PARD3B: variants seen among roughly 807,000 people sequenced by gnomAD.
PARD3B encodes par-3 family cell polarity regulator beta.
A neutral mutation model predicts 130.2 loss-of-function variants in PARD3B; 103 were observed. The ratio of observed to expected loss-of-function variants is 0.79; its 90% CI spans 0.67 to 0.93. PARD3B has a LOEUF of 0.93. Among genes scored for constraint, PARD3B ranks in the 40% least tolerant of loss-of-function variants. The pLI is 0.00. For missense variants in PARD3B, 1,609 were observed against 1,499.2 expected, an observed-to-expected ratio of 1.07 and a Z score of -1.21; for synonymous variants, 583 against 553.2, an observed-to-expected ratio of 1.05 and a Z score of -0.76.
intron 10 of PARD3B, among the ~76,000 whole-genome samples, chr2:205,131,924 C>T (rs996321762): frequency 2.4e-4 from 36 of 152,074 alleles, no homozygotes; most frequent in Admixed American, 1.8e-3. Context: ...GACCTGGAAT[C>T]CGTCACACCT....
chr2:204,704,915 G>A (rs2125284693), intron 2 of PARD3B, among the ~76,000 whole-genome samples: 1 of 150,216 alleles, frequency 6.7e-6, no homozygotes, highest in African/African-American at 2.5e-5. Flanking sequence ...CATCACCAGA[G>A]TACTAATTGC....
At chr2:205,345,598 A>T (rs896501333) in intron 18 of PARD3B, among the ~76,000 whole-genome samples, 5 of 151,612 alleles carry the variant, frequency 3.3e-5, no homozygotes, top group African/African-American at 1.2e-4. Context: ...CCCCCAGTCC[A>T]TGCTGCTAAG....
chr2:204,966,225 A>G (rs1458656338), intron 3 of PARD3B, among the ~76,000 whole-genome samples: 1 of 152,234 alleles, frequency 6.6e-6, no homozygotes, highest in Non-Finnish European at 1.5e-5. Flanking sequence ...TTAAATTTAC[A>G]TACTCTAATG....
chr2:204,795,165 G>A (rs906960561), intron 2 of PARD3B, among the ~76,000 whole-genome samples: 9 of 152,118 alleles, frequency 5.9e-5, no homozygotes, highest in African/African-American at 2.2e-4. Context: ...AGGAAAATAG[G>A]TTCTCTTCCA....
rs927543555 is a variant in PARD3B at position 205,160,403 on chromosome 2, C to T, written c.1620+1496C>T. ...GCTGGCGCATGTCCCTCTCATGCCT[C>T]GAGCTGTCAGAGGGCCAGCGGCAGT... On this transcript the variant is annotated intron_variant, in intron 11 of 22. Coordinates refer to ENST00000406610, the MANE Select transcript of PARD3B (RefSeq NM_001302769.2). The surrounding 1 kb of genome is among the most constrained non-coding windows in gnomAD (Gnocchi z 4.0). 6.6e-6 allele frequency among the ~76,000 whole-genome samples: 1 copy of T among 152,104 alleles called. No homozygotes were observed. The highest frequency in any genetic ancestry group is 1.5e-5 in the Non-Finnish European group (1 of 68,026).
chr2:204,718,754 A>G (rs1391894150), intron 2 of PARD3B, among the ~76,000 whole-genome samples: 1 of 152,146 alleles, frequency 6.6e-6, no homozygotes, highest in Non-Finnish European at 1.5e-5. Context: ...TCTTTAGTTT[A>G]TCTCTGTAAG....
intron 21 of PARD3B, among the ~76,000 whole-genome samples, chr2:205,522,181 T>G (rs527712107): frequency 8.6e-5 from 13 of 151,348 alleles, no homozygotes; most frequent in Admixed American, 7.9e-4. Context: ...TATTGTTTCC[T>G]TAAAAACAAA....
intron 2 of PARD3B, among the ~76,000 whole-genome samples, chr2:204,944,343 T>C (rs140479968): frequency 1.9e-3 from 282 of 152,274 alleles, no homozygotes; most frequent in African/African-American, 6.5e-3. Flanking sequence ...GGGCCTCCTG[T>C]CAATGGCTTC....
At chr2:205,382,192 A>G (rs1355857960) in intron 18 of PARD3B, among the ~76,000 whole-genome samples, 1 of 152,062 alleles carries the variant, frequency 6.6e-6, no homozygotes, top group Non-Finnish European at 1.5e-5. Context: ...TATTTGTTGT[A>G]ACTCCTTGGT....
chr2:204,943,796 G>T lies in PARD3B; in HGVS notation c.223-21356G>T, dbSNP rs913544944. ...CATCCCTACATTGCCTTTCCTATCT[G>T]CCATGTGCAAATTAGGGAGACTGAG... On this transcript the variant is annotated intron_variant, in intron 2 of 22. Transcript: ENST00000406610. The surrounding 1 kb of genome is among the most constrained non-coding windows in gnomAD (Gnocchi z 4.2). 2.0e-5 allele frequency among the ~76,000 whole-genome samples: 3 copies of T among 152,092 alleles called. No individual in the cohort carries two copies. Among genetic ancestry groups the T allele is most frequent in the African/African-American group, 7.2e-5 (3 of 41,408 alleles).
intron 22 of PARD3B, among the ~76,000 whole-genome samples, chr2:205,577,701 G>C (rs11895305): frequency 0.14 from 21,887 of 152,078 alleles, 1,700 homozygotes; most frequent in East Asian, 0.29. Context: ...TGATGACAAA[G>C]ACAGTAGGAA....
chr2:205,528,699 C>T (rs767912095), intron 21 of PARD3B, among the ~76,000 whole-genome samples: 1 of 152,086 alleles, frequency 6.6e-6, no homozygotes, highest in South Asian at 2.1e-4. Flanking sequence ...ACCATGTTGG[C>T]CAGGATGGTC....
chr2:205,598,333 A>C (rs2054646661), intron 22 of PARD3B, among the ~76,000 whole-genome samples: 1 of 152,112 alleles, frequency 6.6e-6, no homozygotes, highest in African/African-American at 2.4e-5. Flanking sequence ...CAGATAAAAC[A>C]GACTTTGAAT....
At position 205,009,543 on chromosome 2, in the gene PARD3B, C is replaced by T. The variant is rs971636559; in HGVS notation, c.395-38038C>T. On this transcript the variant is annotated intron_variant, in intron 3 of 22. Transcript: ENST00000406610. The stretch of plus-strand genomic sequence containing the variant: ...AAAATTAGCCGGGCATGGTGGCGGG[C>T]GCCTGTAGTCCCAGCTTCTCGGGAG... Among the ~76,000 whole-genome samples the T allele has an allele frequency of 6.6e-5, 10 of 151,432 alleles. No homozygotes were observed. The East Asian group carries it at 9.7e-4, about 15-fold the overall frequency.
chr2:204,715,942 C>G (rs2038699694), intron 2 of PARD3B, among the ~76,000 whole-genome samples: 1 of 152,152 alleles, frequency 6.6e-6, no homozygotes, highest in African/African-American at 2.4e-5. Flanking sequence ...TCGCCTGGCA[C>G]ACAGATTCAT....
At chr2:205,322,996 C>T (rs374620408) in intron 18 of PARD3B, among the ~76,000 whole-genome samples, 6 of 138,972 alleles carry the variant, frequency 4.3e-5, no homozygotes, top group South Asian at 4.5e-4. Context: ...CTGCAGTTTC[C>T]GCCTCCTGGG....
chr2:205,204,493 C>T (rs1020849986), intron 15 of PARD3B, among the ~76,000 whole-genome samples: 7 of 152,084 alleles, frequency 4.6e-5, no homozygotes, highest in Non-Finnish European at 5.9e-5. Flanking sequence ...GTTGCCATTG[C>T]TTTTGGTGTT....
intron 18 of PARD3B, among the ~76,000 whole-genome samples, chr2:205,322,326 T>C (rs1297077533): frequency 1.3e-5 from 2 of 152,094 alleles, no homozygotes; most frequent in African/African-American, 4.8e-5. Context: ...GTAGTTGGGG[T>C]GTATTATGTT....
At chr2:205,022,900 G>C (rs952693134) in intron 3 of PARD3B, among the ~76,000 whole-genome samples, 15 of 152,168 alleles carry the variant, frequency 9.9e-5, no homozygotes, top group African/African-American at 3.6e-4. Flanking sequence ...CCTCTTGTTA[G>C]TTACAAAGAT....
Sources: allele counts gnomAD v4.1 joint callset (sites outside exome capture counted in the v4.1 genomes callset), GRCh38; gene constraint gnomAD v4.1.1; non-coding constraint Gnocchi (gnomAD v3.1); transcripts MANE v1.5; gene names NCBI Gene and HGNC (gene_info 2026-07-23, HGNC 2026-07-21).